Variants in NEK3 observed in about 807,000 individuals in gnomAD.
NEK3 encodes the protein serine/threonine-protein kinase Nek3.
A neutral mutation model predicts 66.0 loss-of-function variants in NEK3; 54 were observed. That is an observed-to-expected ratio of 0.82 (90% CI 0.66 to 1.03). NEK3 has a LOEUF of 1.03. Among genes scored for constraint, NEK3 ranks in the 50% least tolerant of loss-of-function variants. NEK3 has a pLI of 0.00. For missense variants in NEK3, 593 were observed against 603.0 expected, an observed-to-expected ratio of 0.98 and a Z score of 0.17; for synonymous variants, 200 against 206.2, an observed-to-expected ratio of 0.97 and a Z score of 0.26.
At chr13:52,157,186 A>G (rs1956402761) in intron 1 of NEK3, 1 of 152,230 alleles carries the variant, frequency 6.6e-6, no homozygotes, top group African/African-American at 2.4e-5. Context: ...CATATTAGAA[A>G]AAACATTCAC....
intron 4 of NEK3, 63 bp downstream of exon 4, chr13:52,153,823 TTAACTTATA>T: frequency 9.9e-7 from 1 of 1,013,510 alleles, no homozygotes; most frequent in Non-Finnish European, 1.5e-6. Flanking sequence ...TGCTTTTATT[TTAACTTATA>T]TAAAGTTTAT....
rs1166350536 is a variant in NEK3 at position 52,133,754 on chromosome 13, A to G, written c.1371T>C (p.Asp457=). Residue 457 remains aspartate (D), a synonymous_variant, in exon 15 of 16, where the codon GAT becomes GAC. Coordinates refer to ENST00000610828, the MANE Select transcript of NEK3 (RefSeq NM_002498.3). ...SEETEASDSV[D]GGHDSVILDP... Reference sequence around the variant, plus strand: ...CCAAAATGACAGAATCGTGACCTCCATCAACACTGTCCGATGCTTCTGTTT... The same window carrying G: ...CCAAAATGACAGAATCGTGACCTCCGTCAACACTGTCCGATGCTTCTGTTT... 6.3e-7 allele frequency: 1 copy of G among 1,586,900 alleles called. No individual in the cohort carries two copies. The highest frequency in any genetic ancestry group is 1.8e-5 in the Admixed American group (1 of 55,874).
In NEK3 at chr13:52,156,062, C is replaced by A. The variant is rs778532408; in HGVS notation, c.117+13G>T. ...GTATACTTTCAAAGTGAGCTAATTT[C>A]TTTAGTAGTGACCTTGGGAAGCCTT... is the stretch of plus-strand genomic sequence containing the variant. On this transcript the variant is annotated intron_variant, in intron 2 of 15. Coordinates refer to ENST00000610828, the MANE Select transcript of NEK3 (RefSeq NM_002498.3). The A allele has an allele frequency of 1.2e-5, 19 of 1,527,406 alleles. No homozygotes were observed. Among genetic ancestry groups the A allele is most frequent in the Non-Finnish European group, 1.6e-5 (18 of 1,114,658 alleles). The allele number at this position is 1,527,406 out of a possible 1,614,324, so 94.6% of individuals were successfully genotyped here.
At chr13:52,144,979 A>AT (rs1451040575) in intron 8 of NEK3, 88 bp from the exon 9 acceptor site, 1 of 877,410 alleles carries the variant, frequency 1.1e-6, no homozygotes, top group African/African-American at 1.7e-5. Context: ...TTCTAATTTT[A>AT]TAAACATATC....
intron 7 of NEK3, among the ~76,000 whole-genome samples, chr13:52,149,049 G>A (rs1314302169): frequency 2.6e-5 from 4 of 151,750 alleles, no homozygotes; most frequent in African/African-American, 7.3e-5. Context: ...CCGCCACCAC[G>A]CCCAGCTAAT....
At chr13:52,153,083 C>T (rs568318464) in intron 4 of NEK3, among the ~76,000 whole-genome samples, 3 of 152,194 alleles carry the variant, frequency 2.0e-5, no homozygotes, top group East Asian at 3.9e-4. Flanking sequence ...AATATCCATA[C>T]GGTAACATCA....
In NEK3 at chr13:52,156,229, T is replaced by C. The variant is rs925803112; in HGVS notation, c.-38A>G. 1 of 1,261,366 alleles carries C rather than the reference T, an allele frequency of 7.9e-7. No individual in the cohort carries two copies. Among genetic ancestry groups the C allele is most frequent in the South Asian group, 1.3e-5 (1 of 78,482 alleles). 78.1% of individuals were successfully genotyped at this position (1,261,366 alleles called of 1,614,324 possible). A position where few individuals can be genotyped will look rare whatever the true frequency, so the allele number is the denominator to read the frequency against. ...ACACAGCTGGGCTCCACTCACGCAG[T>C]CACCATGGGCTCTCCCAAACTGCAT... On this transcript the variant is annotated 5_prime_UTR_variant, in exon 2 of 16. Transcript: ENST00000610828.
chr13:52,134,116 G>A (rs1189382994), intron 14 of NEK3, among the ~76,000 whole-genome samples: 4 of 151,954 alleles, frequency 2.6e-5, no homozygotes, highest in African/African-American at 4.8e-5. Context: ...ATGCAGCCTC[G>A]AACTCCCAGG....
In NEK3 at chr13:52,154,108, A is replaced by G. The variant is rs1399170008; in HGVS notation, c.183T>C (p.Asn61=). The part of the protein sequence containing the change: ...AVLLAKMKHP[N]IVAFKESFEA... ...CAAATGATTCTTTGAAGGCAACAAT[A>G]TTAGGGTGTTTCATTTTGGCTAAAA... The change falls in exon 3 of 16, where the codon AAT becomes AAC. Residue 61 remains asparagine, a synonymous_variant. Transcript: ENST00000610828. The G allele has an allele frequency of 6.2e-7, 1 of 1,612,420 alleles. No individual in the cohort carries two copies. Among genetic ancestry groups the G allele is most frequent in the Admixed American group, 1.7e-5 (1 of 59,912 alleles).
intron 8 of NEK3, chr13:52,148,176 G>T (rs1956309824): frequency 2.7e-6 from 1 of 372,178 alleles, no homozygotes; most frequent in Non-Finnish European, 4.8e-6. Context: ...AAGAAAAGAG[G>T]AAAAGAGAAA....
At chr13:52,159,858 T>C (rs1956430126), upstream of NEK3, 1 of 152,264 alleles carries the variant, frequency 6.6e-6, no homozygotes, top group Admixed American at 6.5e-5. Flanking sequence ...TTACTAGCTA[T>C]GTGACCTTGG....
chr13:52,133,192 C>G lies in NEK3; in HGVS notation c.1471G>C (p.Val491Leu). The G allele has an allele frequency of 6.2e-7, 1 of 1,610,254 alleles. No homozygotes were observed. The highest frequency in any genetic ancestry group is 1.1e-5 in the South Asian group (1 of 89,782). The change falls in exon 16 of 16, where the codon GTG (valine) becomes CTG (leucine). Residue 491 changes from valine to leucine, a missense_variant. Transcript: ENST00000610828. The part of the protein sequence containing the change: ...FEEEDDNPDW[V>L]SELKKRAGWQ... Reference sequence around the variant, plus strand: ...CCAGCTCGCTTCTTCAGCTCTGACACCCAGTCGGGGTTGTCATCTTCCTCC... The same window carrying G: ...CCAGCTCGCTTCTTCAGCTCTGACAGCCAGTCGGGGTTGTCATCTTCCTCC...
chr13:52,135,834 T>C lies in NEK3; in HGVS notation c.1204A>G (p.Thr402Ala). ...TCTTTGAGCCACTGCTTACGAGTAG[T>C]ATTTTTGCTGTACTTTATTACAGAA... is the stretch of plus-strand genomic sequence containing the variant. ...GGSVIKYSKN[T>A]TRKQWLKETP... Residue 402 changes from threonine to alanine, a missense_variant, in exon 14 of 16, where the codon ACT becomes GCT. Thr to Ala is a moderately conservative substitution (Grantham distance 58, BLOSUM62 0). Transcript: ENST00000610828. 1 of 1,613,446 alleles carries C rather than the reference T, an allele frequency of 6.2e-7. No individual in the cohort carries two copies. Among genetic ancestry groups the C allele is most frequent in the East Asian group, 2.2e-5 (1 of 44,860 alleles).
Position 52,144,797 on chromosome 13 carries a change from AG to A in NEK3, c.697del (p.Leu233Ter). The A allele has an allele frequency of 6.2e-7, 1 of 1,613,618 alleles. No individual in the cohort carries two copies. Among genetic ancestry groups the A allele is most frequent in the Non-Finnish European group, 8.5e-7 (1 of 1,179,650 alleles). On this transcript the variant is annotated frameshift_variant, in exon 9 of 16. Transcript: ENST00000610828. LOFTEE classifies it high-confidence loss of function. ...ATTCCTTTTAAACATCTGCTTGACT[AG>A]GAACTGAAGTTCATAGGAGTAATGA... is the stretch of plus-strand genomic sequence containing the variant. ...PSHYSYELQF[L>X]VKQMFKRNPS... is the part of the protein sequence containing the mutation.
rs1315400187 is a variant in NEK3 at position 52,145,709 on chromosome 13, A to G, written c.604-818T>C. Among the ~76,000 whole-genome samples, 5 of 152,366 alleles carry G rather than the reference A, an allele frequency of 3.3e-5. 1 individual carries two copies. In the East Asian group the frequency reaches 7.7e-4, roughly 24 times the overall value. On this transcript the variant is annotated intron_variant, in intron 8 of 15. Coordinates refer to ENST00000610828, the MANE Select transcript of NEK3 (RefSeq NM_002498.3). ...AATTTGATGAGTAACACCGTGGGAT[A>G]TACAATGACAGACTGGAGTAACATT...
chr13:52,132,964 A>C lies in NEK3; in HGVS notation c.*178T>G. 1.7e-6 allele frequency: 1 copy of C among 581,480 alleles called. No homozygotes were observed. The highest frequency in any genetic ancestry group is 3.0e-6 in the Non-Finnish European group (1 of 328,140). The allele number at this position is 581,480 out of a possible 1,614,324, so 36.0% of individuals were successfully genotyped here. A position where few individuals can be genotyped will look rare whatever the true frequency, so the allele number is the denominator to read the frequency against. On this transcript the variant is annotated 3_prime_UTR_variant, in exon 16 of 16. Transcript: ENST00000610828. ...TCCCTTGAGTTCAAAAACTTACAGG[A>C]GTTCTAGACTTTTCAAACTCACGAT...
chr13:52,148,253 G>A (rs1956310701), intron 8 of NEK3, 162 bp downstream of exon 8: 1 of 541,726 alleles, frequency 1.8e-6, no homozygotes, highest in African/African-American at 1.9e-5. Flanking sequence ...ATTAGTATAT[G>A]CTACAAAACT....
At chr13:52,153,106 A>T (rs1298631550) in intron 4 of NEK3, among the ~76,000 whole-genome samples, 2 of 152,168 alleles carry the variant, frequency 1.3e-5, no homozygotes, top group Non-Finnish European at 2.9e-5. Flanking sequence ...AGATTTCATT[A>T]TATCATAAAT....
chr13:52,151,424 C>A, intron 5 of NEK3, 32 bp from the exon 6 acceptor site: 1 of 1,534,822 alleles, frequency 6.5e-7, no homozygotes. Flanking sequence ...CAGATTATGT[C>A]TTCTATCATC....
Sources: gnomAD v4.1 joint callset for allele counts (sites outside exome capture counted in the v4.1 genomes callset) on GRCh38, gnomAD v4.1.1 for gene constraint, MANE v1.5 for transcripts, NCBI Gene and HGNC (gene_info 2026-07-23, HGNC 2026-07-21) for gene names.